Variants in EYA3 observed in about 807,000 individuals in gnomAD.
The protein encoded by EYA3 is protein phosphatase EYA3.
In EYA3, 39 loss-of-function variants were observed where a neutral mutation model predicts 80.0. That is an observed-to-expected ratio of 0.49 (90% CI 0.38 to 0.64). The LOEUF (loss-of-function observed/expected upper bound fraction) is 0.64. Ranked by LOEUF, EYA3 falls within the 30% of genes least tolerant of loss-of-function variation. The probability of loss-of-function intolerance (pLI) is 0.00; values close to 1 mark genes in which losing one functional copy is unlikely to be tolerated. For synonymous variants in EYA3, 206 were observed against 232.8 expected, an observed-to-expected ratio of 0.88 and a Z score of 1.05; for missense variants, 523 against 676.1, an observed-to-expected ratio of 0.77 and a Z score of 2.51.
In EYA3 at chr1:28,021,458, G is replaced by A. The variant is rs147892288; in HGVS notation, c.500-4219C>T. On this transcript the variant is annotated intron_variant, in intron 7 of 17. Coordinates refer to ENST00000373871, the MANE Select transcript of EYA3 (RefSeq NM_001990.4). Reference sequence around the variant, plus strand: ...TTTCTCCCCCGCACCCCACTAGTCTGTAAGCTCCAAAAAGGCAGAATCCTG... The same window carrying A: ...TTTCTCCCCCGCACCCCACTAGTCTATAAGCTCCAAAAAGGCAGAATCCTG... Among the ~76,000 whole-genome samples the A allele has an allele frequency of 3.4e-4, 52 of 152,138 alleles. No homozygotes were observed. The East Asian group carries it at 9.5e-3, about 28-fold the overall frequency.
At chr1:27,978,962 A>AAAAC (rs767368662) in intron 16 of EYA3, among the ~76,000 whole-genome samples, 2 of 152,212 alleles carry the variant, frequency 1.3e-5, no homozygotes, top group Non-Finnish European at 2.9e-5. Context: ...ACTCTGTCTC[A>AAAAC]AAACAAACAA....
At chr1:28,071,120 C>T (rs958070367) in intron 1 of EYA3, among the ~76,000 whole-genome samples, 7 of 152,104 alleles carry the variant, frequency 4.6e-5, no homozygotes, top group African/African-American at 1.7e-4. Context: ...GATGGGGTTT[C>T]ACCATGTTGG....
intron 4 of EYA3, among the ~76,000 whole-genome samples, chr1:28,040,634 G>A (rs1251701025): frequency 6.6e-6 from 1 of 152,166 alleles, no homozygotes; most frequent in African/African-American, 2.4e-5. Context: ...AGAATGTGAG[G>A]AGAAACGTAT....
intron 16 of EYA3, among the ~76,000 whole-genome samples, chr1:27,987,311 AAAT>A (rs1453261954): frequency 5.9e-5 from 9 of 152,222 alleles, no homozygotes; most frequent in African/African-American, 2.2e-4. Flanking sequence ...TTTTAAGGCC[AAAT>A]AATATTTCAC....
intron 7 of EYA3, among the ~76,000 whole-genome samples, chr1:28,027,026 C>G (rs577106789): frequency 1.3e-5 from 2 of 152,046 alleles, no homozygotes; most frequent in Non-Finnish European, 2.9e-5. Flanking sequence ...ATACTAATCC[C>G]TCTACTATCT....
intron 1 of EYA3, among the ~76,000 whole-genome samples, chr1:28,066,245 A>T (rs901019401): frequency 5.9e-5 from 9 of 152,170 alleles, no homozygotes; most frequent in Admixed American, 4.6e-4. Flanking sequence ...TTGCCTGTGA[A>T]ATTTTCCATT....
chr1:28,073,103 T>TTCTATATATATATATATATATATATA lies in EYA3; in HGVS notation c.-68-15010_-68-15009insTATATATATATATATATATATATAGA, dbSNP rs1447435853. ...ATCCTTTTTGGGATTGATGAAACTA[T>TTCTATATATATATATATATATATATA]TATATATATATATATATATATATAT... On this transcript the variant is annotated intron_variant, in intron 1 of 17. Coordinates refer to ENST00000373871, the MANE Select transcript of EYA3 (RefSeq NM_001990.4). Among the ~76,000 whole-genome samples the TTCTATATATATATATATATATATATA allele has an allele frequency of 4.5e-3, 171 of 37,720 alleles. 19 individuals are homozygous for TTCTATATATATATATATATATATATA. The highest frequency in any genetic ancestry group is 8.7e-3 in the East Asian group (6 of 686). The allele number at this position is 37,720 out of a possible 152,430, so 24.7% of individuals were successfully genotyped here.
At chr1:28,043,565 C>T (rs1251443569) in intron 3 of EYA3, among the ~76,000 whole-genome samples, 1 of 151,890 alleles carries the variant, frequency 6.6e-6, no homozygotes, top group Non-Finnish European at 1.5e-5. Context: ...GGGCCAGGTG[C>T]GGTGGCTTAC....
At chr1:27,987,329 C>T (rs895797631) in intron 16 of EYA3, among the ~76,000 whole-genome samples, 6 of 152,192 alleles carry the variant, frequency 3.9e-5, no homozygotes, top group South Asian at 2.1e-4. Context: ...TTTCACTGTA[C>T]GTGTATACCA....
At chr1:28,012,613 T>C (rs955080535) in intron 9 of EYA3, among the ~76,000 whole-genome samples, 7 of 152,244 alleles carry the variant, frequency 4.6e-5, no homozygotes, top group Non-Finnish European at 1.0e-4. Flanking sequence ...TTGGACACTG[T>C]AATTCATTGA....
At chr1:27,998,183 C>G (rs1640587207) in intron 12 of EYA3, 3 of 348,552 alleles carry the variant, frequency 8.6e-6, no homozygotes, top group Middle Eastern at 1.4e-3. Context: ...CCATCCCAGA[C>G]CTACTTGAAT....
chr1:28,078,417 C>T (rs1463631090), intron 1 of EYA3, among the ~76,000 whole-genome samples: 2 of 152,228 alleles, frequency 1.3e-5, no homozygotes, highest in Non-Finnish European at 2.9e-5. Context: ...ATACAGAACT[C>T]ATCATAGTCA....
chr1:28,056,006 T>TA (rs896197988), intron 2 of EYA3, among the ~76,000 whole-genome samples: 4 of 151,814 alleles, frequency 2.6e-5, no homozygotes, highest in South Asian at 2.1e-4. Flanking sequence ...TTTTTTTTTT[T>TA]ACCTCAAAAT....
intron 1 of EYA3, among the ~76,000 whole-genome samples, chr1:28,066,299 CA>C (rs1644835582): frequency 6.6e-6 from 1 of 151,824 alleles, no homozygotes; most frequent in Non-Finnish European, 1.5e-5. Flanking sequence ...CTAAAACCGC[CA>C]AAAGCAAAAC....
chr1:27,972,080 G>C lies in EYA3; in HGVS notation c.*2386C>G, dbSNP rs1307077821. ...TCTAAAATAAAGAGCTCCCAAAAGG[G>C]TGGAGAGGGAAGTATCTGTGTGTGT... is the stretch of plus-strand genomic sequence containing the variant. On this transcript the variant is annotated 3_prime_UTR_variant, in exon 18 of 18. Transcript: ENST00000373871. 2 of 152,236 alleles carry C rather than the reference G, an allele frequency of 1.3e-5. No homozygotes were observed. The highest frequency in any genetic ancestry group is 2.9e-5 in the Non-Finnish European group (2 of 68,050). 9.4% of individuals were successfully genotyped at this position (152,236 alleles called of 1,614,324 possible).
intron 8 of EYA3, among the ~76,000 whole-genome samples, chr1:28,015,272 C>T (rs1641970051): frequency 6.6e-6 from 1 of 152,142 alleles, no homozygotes; most frequent in Non-Finnish European, 1.5e-5. Flanking sequence ...TATTCAGGGA[C>T]CACAGATGCT....
At chr1:27,979,495 A>G (rs1372675587) in intron 16 of EYA3, among the ~76,000 whole-genome samples, 4 of 152,362 alleles carry the variant, frequency 2.6e-5, no homozygotes, top group Middle Eastern at 6.8e-3. Context: ...TCAGAACTGC[A>G]GACAGTTTTG....
intron 3 of EYA3, among the ~76,000 whole-genome samples, chr1:28,043,476 A>AGAC: frequency 6.6e-6 from 1 of 152,144 alleles, no homozygotes. Context: ...GAAGGTAGGG[A>AGAC]GACGTTTGAT....
intron 7 of EYA3, among the ~76,000 whole-genome samples, chr1:28,020,717 A>T (rs374807275): frequency 1.9e-4 from 18 of 94,528 alleles, no homozygotes; most frequent in South Asian, 3.4e-4. Flanking sequence ...TGTGTGTGTG[A>T]ATAAAAATAA....
Sources: allele counts gnomAD v4.1 joint callset (sites outside exome capture counted in the v4.1 genomes callset), GRCh38; gene constraint gnomAD v4.1.1; transcripts MANE v1.5; gene names NCBI Gene and HGNC (gene_info 2026-07-23, HGNC 2026-07-21).